Variants in AUTS2 observed in about 807,000 individuals in gnomAD.
AUTS2 encodes activator of transcription and developmental regulator AUTS2, also known as autism susceptibility gene 2 protein.
A neutral mutation model predicts 112.4 loss-of-function variants in AUTS2; 17 were observed. The ratio of observed to expected loss-of-function variants is 0.15; its 90% CI spans 0.10 to 0.23. The LOEUF (loss-of-function observed/expected upper bound fraction) is 0.23, where lower values mean the gene tolerates loss of function less well. AUTS2 is among the 10% of genes least tolerant of loss of function. The probability of loss-of-function intolerance (pLI) is 1.00; values close to 1 mark genes in which losing one functional copy is unlikely to be tolerated. For synonymous variants in AUTS2, 751 were observed against 702.7 expected (o/e 1.07, Z -1.09); for missense variants, 1,510 against 1,701.6 (o/e 0.89, Z 1.98).
At chr7:69,974,359 A>G (rs1294010371) in intron 2 of AUTS2, among the ~76,000 whole-genome samples, 1 of 149,184 alleles carries the variant, frequency 6.7e-6, no homozygotes, top group East Asian at 2.0e-4. Context: ...GATTTTTTTC[A>G]AAGAACAAGT....
chr7:70,148,691 A>G (rs1369714868), intron 4 of AUTS2, among the ~76,000 whole-genome samples: 2 of 151,930 alleles, frequency 1.3e-5, no homozygotes, highest in African/African-American at 4.8e-5. Context: ...ACTCTGTTCT[A>G]CTGTGTTACT....
intron 4 of AUTS2, among the ~76,000 whole-genome samples, chr7:70,150,816 G>T (rs1807391861): frequency 6.6e-6 from 1 of 152,106 alleles, no homozygotes; most frequent in South Asian, 2.1e-4. Flanking sequence ...GGAATCTAAA[G>T]AAAAATATTC....
chr7:70,424,081 G>A (rs926281484), intron 4 of AUTS2, among the ~76,000 whole-genome samples: 7 of 152,018 alleles, frequency 4.6e-5, no homozygotes, highest in South Asian at 2.1e-4. Context: ...GTGTATCATC[G>A]CCATTCACTG....
At chr7:69,927,971 G>C (rs144510775) in intron 2 of AUTS2, among the ~76,000 whole-genome samples, 40 of 152,332 alleles carry the variant, frequency 2.6e-4, no homozygotes, top group African/African-American at 9.4e-4. Context: ...TATCCCATTT[G>C]TGTTACAGCT....
chr7:70,209,377 T>C (rs935932139), intron 4 of AUTS2, among the ~76,000 whole-genome samples: 1 of 152,134 alleles, frequency 6.6e-6, no homozygotes, highest in Non-Finnish European at 1.5e-5. Context: ...ATGAAAGAAA[T>C]GCCAATTGAC....
At chr7:69,911,856 G>A (rs1030283349) in intron 2 of AUTS2, among the ~76,000 whole-genome samples, 4 of 152,172 alleles carry the variant, frequency 2.6e-5, no homozygotes, top group South Asian at 2.1e-4. Context: ...AGACTCCACC[G>A]GGAACTGGCA....
intron 4 of AUTS2, among the ~76,000 whole-genome samples, chr7:70,285,081 T>C (rs957717505): frequency 2.0e-5 from 3 of 152,198 alleles, no homozygotes; most frequent in Non-Finnish European, 2.9e-5. Context: ...ACAATGAAAC[T>C]GCATAGTATG....
rs907460148 is a variant in AUTS2, at chr7:70,175,169, T to C, written c.660+40598T>C. 2.3e-4 allele frequency among the ~76,000 whole-genome samples: 35 copies of C among 152,242 alleles called. 1 individual carries two copies. The highest frequency in any genetic ancestry group is 3.4e-3 in the Middle Eastern group (1 of 294). ...GTTTATTCCAAACTTAATGGATGTC[T>C]TTGAGGTGTTCAAGGCTTCAGTAGA... is the stretch of plus-strand genomic sequence containing the variant. On this transcript the variant is annotated intron_variant, in intron 4 of 18. Coordinates refer to ENST00000342771, the MANE Select transcript of AUTS2 (RefSeq NM_015570.4).
At chr7:70,246,514 G>T (rs1243267164) in intron 4 of AUTS2, among the ~76,000 whole-genome samples, 4 of 151,972 alleles carry the variant, frequency 2.6e-5, no homozygotes, top group African/African-American at 9.7e-5. Flanking sequence ...CTCCAAATTT[G>T]CCTAGGTTTA....
At chr7:69,667,547 G>T (rs1341732892) in intron 1 of AUTS2, among the ~76,000 whole-genome samples, 1 of 151,828 alleles carries the variant, frequency 6.6e-6, no homozygotes, top group Non-Finnish European at 1.5e-5. Flanking sequence ...GTAGAGATGG[G>T]GTTTCGCCAT....
intron 1 of AUTS2, among the ~76,000 whole-genome samples, chr7:69,809,325 G>A (rs927525073): frequency 2.6e-5 from 4 of 151,996 alleles, no homozygotes; most frequent in African/African-American, 2.4e-5. Context: ...TGATCTGCCC[G>A]CCTTGGCCTC....
intron 4 of AUTS2, among the ~76,000 whole-genome samples, chr7:70,331,998 A>G (rs1790773592): frequency 6.6e-6 from 1 of 152,186 alleles, no homozygotes; most frequent in African/African-American, 2.4e-5. Context: ...AAGGCATTCA[A>G]ATAGGAAGAG....
intron 6 of AUTS2, among the ~76,000 whole-genome samples, chr7:70,716,661 A>AAAAAAAAAC (rs1810389839): frequency 6.9e-6 from 1 of 144,156 alleles, no homozygotes; most frequent in Admixed American, 7.2e-5. Flanking sequence ...AAAAAAAAAA[A>AAAAAAAAAC]AAAAGGGAAG....
intron 4 of AUTS2, among the ~76,000 whole-genome samples, chr7:70,351,089 C>T: frequency 6.7e-6 from 1 of 148,388 alleles, no homozygotes. Flanking sequence ...CTCGCTCTGT[C>T]ACCCAGGCTG....
At chr7:70,633,428 A>G (rs1035043712) in intron 5 of AUTS2, among the ~76,000 whole-genome samples, 4 of 152,166 alleles carry the variant, frequency 2.6e-5, no homozygotes, top group Non-Finnish European at 5.9e-5. Context: ...CCTGGCCAAC[A>G]TGGTGAAACC....
chr7:70,070,662 G>A (rs943691774), intron 2 of AUTS2, among the ~76,000 whole-genome samples: 2 of 152,080 alleles, frequency 1.3e-5, no homozygotes, highest in East Asian at 1.9e-4. Flanking sequence ...TCAAGAGATC[G>A]AGACCATCCA....
intron 10 of AUTS2, among the ~76,000 whole-genome samples, chr7:70,768,992 T>G (rs531149881): frequency 6.6e-6 from 1 of 152,170 alleles, no homozygotes; most frequent in South Asian, 2.1e-4. Context: ...GTGTTATCAT[T>G]TGAGAAGTGC....
At chr7:70,496,253 A>C (rs1169484014) in intron 5 of AUTS2, among the ~76,000 whole-genome samples, 104 of 76,906 alleles carry the variant, frequency 1.4e-3, no homozygotes, top group East Asian at 2.4e-3. Context: ...ACACACACAC[A>C]CCCCACACAT....
At chr7:69,855,156 G>A (rs1792661960) in intron 1 of AUTS2, among the ~76,000 whole-genome samples, 1 of 152,194 alleles carries the variant, frequency 6.6e-6, no homozygotes, top group African/African-American at 2.4e-5. Flanking sequence ...CATTACCTAT[G>A]AGCTTCACAA....
Sources: allele counts gnomAD v4.1 joint callset (sites outside exome capture counted in the v4.1 genomes callset), GRCh38; gene constraint gnomAD v4.1.1; transcripts MANE v1.5; gene names NCBI Gene and HGNC (gene_info 2026-07-23, HGNC 2026-07-21).